The following GSE1 variants were observed in gnomAD, a reference collection of about 807,000 sequenced individuals.
GSE1 encodes Gse1 coiled-coil protein, also known as genetic suppressor element 1.
Under a neutral mutation model 112.6 loss-of-function variants are expected in GSE1, and 32 were observed. The ratio of observed to expected loss-of-function variants is 0.28; its 90% confidence interval spans 0.21 to 0.38. The LOEUF is 0.38. Among genes scored for constraint, GSE1 ranks in the 10% least tolerant of loss-of-function variants. The pLI is 1.00. For synonymous variants in GSE1, 1,115 were observed against 735.6 expected, an observed-to-expected ratio of 1.52 and a Z score of -8.35; for missense variants, 2,348 against 1,699.2, an observed-to-expected ratio of 1.38 and a Z score of -6.71.
intron 2 of GSE1, among the ~76,000 whole-genome samples, chr16:85,382,798 GCACA>G (rs199702341): frequency 2.7e-5 from 4 of 150,222 alleles, no homozygotes; most frequent in Admixed American, 2.0e-4. Context: ...CACAACACAT[GCACA>G]CACACTCATA....
chr16:85,199,183 C>T (rs2074983120), intron 1 of GSE1, among the ~76,000 whole-genome samples: 1 of 152,152 alleles, frequency 6.6e-6, no homozygotes, highest in South Asian at 2.1e-4. Context: ...TCTCAACCTC[C>T]TGACCTCAGA....
At chr16:85,414,142 C>G (rs1312429338) in intron 2 of GSE1, among the ~76,000 whole-genome samples, 1 of 152,182 alleles carries the variant, frequency 6.6e-6, no homozygotes, top group Non-Finnish European at 1.5e-5. Context: ...CTGGCACTCC[C>G]CCATGGGCCC....
At chr16:85,647,796 A>G (rs2051002991) in intron 2 of GSE1, among the ~76,000 whole-genome samples, 1 of 152,164 alleles carries the variant, frequency 6.6e-6, no homozygotes, top group South Asian at 2.1e-4. Flanking sequence ...CATGTTGGCC[A>G]GGATGGTCTC....
intron 1 of GSE1, among the ~76,000 whole-genome samples, chr16:85,576,311 G>A (rs2151361688): frequency 6.6e-6 from 1 of 152,278 alleles, no homozygotes; most frequent in Middle Eastern, 3.4e-3. Context: ...CGATGTAACT[G>A]GAATTTGAAA....
intron 1 of GSE1, among the ~76,000 whole-genome samples, chr16:85,288,432 G>A (rs2930228): frequency 0.023 from 3,516 of 152,318 alleles, 124 homozygotes; most frequent in African/African-American, 0.08. Flanking sequence ...TGCCCAGGGC[G>A]GTGCAGTTAA....
intron 2 of GSE1, among the ~76,000 whole-genome samples, chr16:85,449,390 C>G (rs1369120038): frequency 1.3e-5 from 2 of 152,228 alleles, no homozygotes; most frequent in Non-Finnish European, 2.9e-5. Context: ...GGGATGGCAG[C>G]CGGCAGCTGG....
intron 1 of GSE1, among the ~76,000 whole-genome samples, chr16:85,600,895 T>G (rs1458392114): frequency 6.6e-6 from 1 of 152,092 alleles, no homozygotes; most frequent in Non-Finnish European, 1.5e-5. Flanking sequence ...CTTCTTGATT[T>G]CATTTAGCTC....
At chr16:85,268,439 C>T (rs1159615702) in intron 1 of GSE1, among the ~76,000 whole-genome samples, 1 of 152,204 alleles carries the variant, frequency 6.6e-6, no homozygotes, top group Non-Finnish European at 1.5e-5. Context: ...CCCGTCTGGC[C>T]CCTGCCCCAG....
chr16:85,402,107 A>C (rs1461109301), intron 2 of GSE1, among the ~76,000 whole-genome samples: 1 of 152,170 alleles, frequency 6.6e-6, no homozygotes, highest in Non-Finnish European at 1.5e-5. Flanking sequence ...TGGCCCAGAG[A>C]GGGTAGCATC....
At chr16:85,453,439 G>C (rs1245419813) in intron 2 of GSE1, among the ~76,000 whole-genome samples, 1 of 152,202 alleles carries the variant, frequency 6.6e-6, no homozygotes, top group Non-Finnish European at 1.5e-5. Context: ...AGGCAGCAGG[G>C]AGGGTTGGGG....
intron 2 of GSE1, among the ~76,000 whole-genome samples, chr16:85,397,977 GTGGGGGTGGGGT>G (rs1368284380): frequency 1.3e-5 from 2 of 151,824 alleles, no homozygotes; most frequent in East Asian, 1.9e-4. Flanking sequence ...GTTCCGAATC[GTGGGGGTGGGGT>G]TGGGGGTGGG....
At chr16:85,248,780 A>C (rs1159566840) in intron 1 of GSE1, among the ~76,000 whole-genome samples, 1 of 152,154 alleles carries the variant, frequency 6.6e-6, no homozygotes, top group East Asian at 1.9e-4. Flanking sequence ...GTTAATGGGA[A>C]CTGCTTCCTC....
At chr16:85,620,175 A>G (rs1416290226) in intron 1 of GSE1, among the ~76,000 whole-genome samples, 1 of 152,140 alleles carries the variant, frequency 6.6e-6, no homozygotes, top group Non-Finnish European at 1.5e-5. Flanking sequence ...GGTTCCAGCT[A>G]CTCAGGAGGC....
intron 2 of GSE1, chr16:85,490,019 G>C (rs2050961291): frequency 6.6e-6 from 1 of 152,300 alleles, no homozygotes; most frequent in Non-Finnish European, 1.5e-5. Flanking sequence ...CCCACCCCTG[G>C]ATTTCAGACT....
rs2053568941 is a variant in GSE1 at position 85,674,419 on chromosome 16, T to G, written c.*1880T>G. The G allele has an allele frequency of 6.6e-6, 1 of 151,470 alleles. No individual in the cohort carries two copies. Among genetic ancestry groups the G allele is most frequent in the Non-Finnish European group, 1.5e-5 (1 of 68,068 alleles). The allele number at this position is 151,470 out of a possible 1,614,324, so 9.4% of individuals were successfully genotyped here. A position where few individuals can be genotyped will look rare whatever the true frequency, so the allele number is the denominator to read the frequency against. Reference sequence around the variant, plus strand: ...TGGAAGAGAACTCGAGGGGCTGTGCTGCAGGCCTCCCCTCGAAAGACACTG... The same window carrying G: ...TGGAAGAGAACTCGAGGGGCTGTGCGGCAGGCCTCCCCTCGAAAGACACTG... On this transcript the variant is annotated 3_prime_UTR_variant, in exon 16 of 16. Transcript: ENST00000253458.
intron 7 of GSE1, 103 bp downstream of exon 7, chr16:85,656,768 C>T (rs1453564427): frequency 2.8e-6 from 4 of 1,408,118 alleles, no homozygotes; most frequent in South Asian, 1.5e-5. Context: ...AAATGTTCCC[C>T]AGCTGAGTTC....
At chr16:85,447,006 G>T (rs1018572320) in intron 2 of GSE1, among the ~76,000 whole-genome samples, 1 of 152,068 alleles carries the variant, frequency 6.6e-6, no homozygotes, top group Non-Finnish European at 1.5e-5. Context: ...GTGCTCCATG[G>T]GCCACACGCC....
At chr16:85,349,725 G>A (rs890501956) in intron 1 of GSE1, among the ~76,000 whole-genome samples, 3 of 152,152 alleles carry the variant, frequency 2.0e-5, no homozygotes, top group Non-Finnish European at 4.4e-5. Context: ...CTTTTGTGTT[G>A]TCAGGATGCT....
intron 2 of GSE1, among the ~76,000 whole-genome samples, chr16:85,527,271 G>A (rs1054404879): frequency 4.6e-5 from 7 of 152,368 alleles, no homozygotes; most frequent in Admixed American, 2.6e-4. Context: ...CTGTGCACAC[G>A]CGCGTGTTAA....
Sources: allele counts gnomAD v4.1 joint callset (sites outside exome capture counted in the v4.1 genomes callset), GRCh38; gene constraint gnomAD v4.1.1; transcripts MANE v1.5; gene names NCBI Gene and HGNC (gene_info 2026-07-23, HGNC 2026-07-21).